Variants in USP22 observed in about 807,000 individuals in gnomAD.
The protein encoded by USP22 is ubiquitin carboxyl-terminal hydrolase 22.
In USP22, 22 loss-of-function variants were observed where a neutral mutation model predicts 68.1. The ratio of observed to expected loss-of-function variants is 0.32; its 90% CI spans 0.23 to 0.46. The LOEUF is 0.46. Ranked by LOEUF, USP22 falls within the 20% of genes least tolerant of loss-of-function variation. The pLI, the probability that USP22 is intolerant of heterozygous loss-of-function variation, is 1.00. For missense variants in USP22, 433 were observed against 695.8 expected (o/e 0.62, Z 4.25); for synonymous variants, 279 against 274.2 (o/e 1.02, Z -0.17).
At chr17:21,027,957 G>T in intron 2 of USP22, among the ~76,000 whole-genome samples, 1 of 152,126 alleles carries the variant, frequency 6.6e-6, no homozygotes, top group East Asian at 1.9e-4. Context: ...GACAGCGCGA[G>T]ACTCCATCTC....
intron 1 of USP22, 109 bp from the exon 2 acceptor site, chr17:21,028,783 A>AG: frequency 7.3e-7 from 1 of 1,361,390 alleles, no homozygotes; most frequent in Non-Finnish European, 9.8e-7. Flanking sequence ...AAGAAAGGAC[A>AG]GGGAATTCCA....
chr17:21,017,587 C>G (rs1972104377), intron 5 of USP22, among the ~76,000 whole-genome samples: 1 of 152,158 alleles, frequency 6.6e-6, no homozygotes, highest in Non-Finnish European at 1.5e-5. Context: ...CAGGAGGACA[C>G]AGGAGGGTGA....
chr17:21,018,576 G>T (rs1182027551), intron 4 of USP22, among the ~76,000 whole-genome samples: 1 of 152,102 alleles, frequency 6.6e-6, no homozygotes, highest in African/African-American at 2.4e-5. Context: ...TCCAAACATG[G>T]TGGTGTGCAC....
chr17:21,036,079 A>G (rs922864439), intron 1 of USP22, among the ~76,000 whole-genome samples: 11 of 151,168 alleles, frequency 7.3e-5, no homozygotes, highest in African/African-American at 2.4e-4. Flanking sequence ...AATCCACTCA[A>G]TGGATACAAT....
At chr17:21,028,033 G>A (rs1972243875) in intron 2 of USP22, among the ~76,000 whole-genome samples, 1 of 152,170 alleles carries the variant, frequency 6.6e-6, no homozygotes, top group Admixed American at 6.5e-5. Flanking sequence ...GAATGAGTTT[G>A]ATTTTGTAAG....
At chr17:21,016,976 T>C (rs1057166214) in intron 5 of USP22, among the ~76,000 whole-genome samples, 6 of 152,198 alleles carry the variant, frequency 3.9e-5, no homozygotes, top group African/African-American at 1.4e-4. Flanking sequence ...AAGTCAGTGA[T>C]ACAACCACCC....
At position 21,004,364 on chromosome 17, in the gene USP22, C is replaced by G. The variant is rs1406270159; in HGVS notation, c.1386-13G>C. On this transcript the variant is annotated splice_polypyrimidine_tract_variant and intron_variant, in intron 11 of 12. Coordinates refer to ENST00000261497, the MANE Select transcript of USP22 (RefSeq NM_015276.2). ...AAACAGGGAATACCTAGTGCAGGAGCAAAGGAGAGGGAGGGCGCAGGTGAC... is the reference window on the plus strand; with the variant it reads ...AAACAGGGAATACCTAGTGCAGGAGGAAAGGAGAGGGAGGGCGCAGGTGAC... 6.2e-7 allele frequency: 1 copy of G among 1,612,922 alleles called. No individual in the cohort carries two copies. Among genetic ancestry groups the G allele is most frequent in the African/African-American group, 1.3e-5 (1 of 74,896 alleles).
At chr17:21,010,417 C>G (rs994196028) in intron 8 of USP22, among the ~76,000 whole-genome samples, 7 of 152,040 alleles carry the variant, frequency 4.6e-5, no homozygotes, top group African/African-American at 1.7e-4. Context: ...TGTGGTGGCT[C>G]ATGCCTGTGA....
chr17:21,004,791 TAGTGGAGCTGC>T (rs2143510650), intron 11 of USP22, 126 bp downstream of exon 11: 7 of 193,208 alleles, frequency 3.6e-5, no homozygotes, highest in Non-Finnish European at 4.2e-5. Context: ...GGGCAGCCAA[TAGTGGAGCTGC>T]GGGCAGCCAA....
At chr17:21,012,783 C>T (rs532806699) in intron 7 of USP22, 47 bp downstream of exon 7, 48 of 1,537,978 alleles carry the variant, frequency 3.1e-5, no homozygotes, top group Admixed American at 1.0e-4. Flanking sequence ...GATGTCAGTA[C>T]GGCCCCAGAG....
At chr17:21,030,296 C>T (rs1339720422) in intron 1 of USP22, among the ~76,000 whole-genome samples, 2 of 152,152 alleles carry the variant, frequency 1.3e-5, no homozygotes, top group Non-Finnish European at 2.9e-5. Context: ...TACTGATGCA[C>T]CTATCCCTTT....
intron 6 of USP22, among the ~76,000 whole-genome samples, chr17:21,013,548 G>A (rs1011014934): frequency 6.6e-6 from 1 of 152,204 alleles, no homozygotes; most frequent in African/African-American, 2.4e-5. Context: ...TTCGTGTGTG[G>A]AATACATATT....
chr17:21,002,699 C>T lies in USP22; in HGVS notation c.*332G>A, dbSNP rs1913628582. 8 of 324,450 alleles carry T rather than the reference C, an allele frequency of 2.5e-5. No homozygotes were observed. Among genetic ancestry groups the T allele is most frequent in the South Asian group, 2.3e-4 (8 of 34,342 alleles). 20.1% of individuals were successfully genotyped at this position (324,450 alleles called of 1,614,324 possible). ...TTCCACACCGAGTGCTGGGGAACGC[C>T]AGGCAGCGGTCACTCTGTGCTGTGA... is the stretch of plus-strand genomic sequence containing the variant. On this transcript the variant is annotated 3_prime_UTR_variant, in exon 13 of 13. Coordinates refer to ENST00000261497, the MANE Select transcript of USP22 (RefSeq NM_015276.2).
At chr17:21,041,097 C>T (rs966951092) in intron 1 of USP22, among the ~76,000 whole-genome samples, 3 of 151,370 alleles carry the variant, frequency 2.0e-5, no homozygotes, top group African/African-American at 7.3e-5. Context: ...GTTGGCCAGG[C>T]TGGTCTCGAA....
intron 5 of USP22, among the ~76,000 whole-genome samples, chr17:21,016,892 G>A (rs551335243): frequency 6.6e-6 from 1 of 152,238 alleles, no homozygotes; most frequent in East Asian, 1.9e-4. Flanking sequence ...AGGCTAGAAG[G>A]TGGGTGTGAC....
At chr17:21,016,054 T>C (rs1224011387) in intron 5 of USP22, among the ~76,000 whole-genome samples, 155 bp from the exon 6 acceptor site, 4 of 152,256 alleles carry the variant, frequency 2.6e-5, no homozygotes, top group Admixed American at 2.6e-4. Flanking sequence ...TTGCAAAGTC[T>C]ATTTTTATCT....
intron 2 of USP22, among the ~76,000 whole-genome samples, chr17:21,028,122 T>C (rs1972244736): frequency 6.6e-6 from 1 of 152,152 alleles, no homozygotes; most frequent in African/African-American, 2.4e-5. Context: ...CTGGAAACAA[T>C]GAAACCCATT....
rs369620326 is a variant in USP22, at chr17:21,019,182, A to G, written c.422T>C (p.Val141Ala). The change falls in exon 4 of 13, where the codon GTT becomes GCT. Residue 141 changes from valine (V) to alanine (A), a missense_variant. Physicochemically the swap from Val to Ala is moderately conservative, Grantham distance 64. Coordinates refer to ENST00000261497, the MANE Select transcript of USP22 (RefSeq NM_015276.2). Reference sequence around the variant, plus strand: ...TTCCCAAGTTGAAAACTTCTCTCCAACGCCTAAGCAGATGAAGGACAGTTC... The same window carrying G: ...TTCCCAAGTTGAAAACTTCTCTCCAGCGCCTAAGCAGATGAAGGACAGTTC... ...EQRKAWKMQG[V>A]GEKFSTWEPT... is the part of the protein sequence containing the mutation. The G allele has an allele frequency of 1.2e-6, 2 of 1,613,946 alleles. No homozygotes were observed. The highest frequency in any genetic ancestry group is 1.7e-6 in the Non-Finnish European group (2 of 1,179,878).
chr17:21,011,456 C>T lies in USP22; in HGVS notation c.945-147G>A, dbSNP rs550382159. On this transcript the variant is annotated intron_variant, in intron 7 of 12. Coordinates refer to ENST00000261497, the MANE Select transcript of USP22 (RefSeq NM_015276.2). ...AGGTGGGATGGGGCAGGAGCAAGAG[C>T]AGCAGTGCTCACACCCAACGTGTCC... 1,737 of 1,039,802 alleles carry T rather than the reference C, an allele frequency of 1.7e-3. 6 individuals carry two copies. The highest frequency in any genetic ancestry group is 1.8e-3 in the Non-Finnish European group (1,320 of 719,722). 64.4% of individuals were successfully genotyped at this position (1,039,802 alleles called of 1,614,324 possible).
Sources: gnomAD v4.1 joint callset for allele counts (sites outside exome capture counted in the v4.1 genomes callset) on GRCh38, gnomAD v4.1.1 for gene constraint, MANE v1.5 for transcripts, NCBI Gene and HGNC (gene_info 2026-07-23, HGNC 2026-07-21) for gene names.